Variants in LOC122526780 observed in about 807,000 individuals in gnomAD.
At chr17:6,638,606 C>G in the LOC122526780 span, 2 of 154,160 alleles carry the variant, frequency 1.3e-5, no homozygotes, top group African/African-American at 4.8e-5. Flanking sequence ...TCTGGCTCCC[C>G]CACAGCCTGC....
At chr17:6,639,570 G>C in the LOC122526780 span, 2 of 152,956 alleles carry the variant, frequency 1.3e-5, no homozygotes, top group African/African-American at 4.8e-5. The surrounding 1 kb of genome is among the most constrained non-coding windows in gnomAD (Gnocchi z 4.3). Context: ...AGAAGCCTAA[G>C]GCTCTCTCGT....
the LOC122526780 span, chr17:6,639,417 G>A: frequency 6.6e-6 from 1 of 152,246 alleles, no homozygotes; most frequent in Non-Finnish European, 1.5e-5. This position sits in a 1 kb window ranked among gnomAD's most constrained non-coding sequence, Gnocchi z 4.3. Context: ...AAGGGCCTGA[G>A]ACAAACCCAT....
the LOC122526780 span, chr17:6,639,940 T>A: frequency 6.6e-6 from 1 of 152,456 alleles, no homozygotes; most frequent in Non-Finnish European, 1.5e-5. This position sits in a 1 kb window ranked among gnomAD's most constrained non-coding sequence, Gnocchi z 4.3. Flanking sequence ...CCCCACCACC[T>A]CGGGCTCCCC....
the LOC122526780 span, chr17:6,638,254 TCCCGAGCCACGGGTCCC>T: frequency 6.6e-6 from 1 of 150,752 alleles, no homozygotes; most frequent in African/African-American, 2.5e-5. Context: ...CCACAGCTCC[TCCCGAGCCACGGGTCCC>T]CCCGAAGCCA....
At chr17:6,639,398 C>G in the LOC122526780 span, 2 of 152,352 alleles carry the variant, frequency 1.3e-5, no homozygotes, top group East Asian at 3.9e-4. This position sits in a 1 kb window ranked among gnomAD's most constrained non-coding sequence, Gnocchi z 4.3. Context: ...ATAGTCTGTT[C>G]TTTTTCACAA....
chr17:6,638,898 A>C, the LOC122526780 span: 2 of 152,596 alleles, frequency 1.3e-5, no homozygotes, highest in East Asian at 3.9e-4. Context: ...GGCCTGGGGC[A>C]CCCCCAGAAC....
chr17:6,638,176 T>A, the LOC122526780 span: 2 of 149,116 alleles, frequency 1.3e-5, no homozygotes, highest in African/African-American at 5.0e-5. Flanking sequence ...CACGGATTCC[T>A]CCCCGCCTGA....
chr17:6,639,005 G>A, the LOC122526780 span: 1 of 153,128 alleles, frequency 6.5e-6, no homozygotes, highest in Non-Finnish European at 1.5e-5. The surrounding 1 kb of genome is among the most constrained non-coding windows in gnomAD (Gnocchi z 4.3). Flanking sequence ...CACACAGGCT[G>A]TCCCCTTTCC....
At chr17:6,638,654 TCTC>T in the LOC122526780 span, 1 of 152,388 alleles carries the variant, frequency 6.6e-6, no homozygotes, top group East Asian at 2.0e-4. Flanking sequence ...CCACTACAGG[TCTC>T]CTCTCCAAGC....
At chr17:6,637,021 C>T in the LOC122526780 span, 1 of 152,402 alleles carries the variant, frequency 6.6e-6, no homozygotes, top group East Asian at 1.9e-4. Flanking sequence ...CCTTGGACAG[C>T]TCCATAACCT....
the LOC122526780 span, chr17:6,637,468 A>C: frequency 6.6e-6 from 1 of 152,516 alleles, no homozygotes; most frequent in South Asian, 2.1e-4. Context: ...TGGCCCTGGA[A>C]GCCCGGGAGC....
the LOC122526780 span, chr17:6,638,296 G>T: frequency 5.2e-5 from 8 of 152,816 alleles, no homozygotes; most frequent in African/African-American, 1.9e-4. Flanking sequence ...TATTCTGGCA[G>T]CCCGAGTCCT....
At chr17:6,637,000 T>TC in the LOC122526780 span, 1 of 152,204 alleles carries the variant, frequency 6.6e-6, no homozygotes, top group Non-Finnish European at 1.5e-5. Flanking sequence ...GGCTGTTTCT[T>TC]CCCCCAAAGA....
the LOC122526780 span, chr17:6,638,438 C>G: frequency 2.0e-5 from 3 of 152,942 alleles, no homozygotes; most frequent in Non-Finnish European, 2.9e-5. Flanking sequence ...ACCCCTGCTG[C>G]GGCACACCCC....
the LOC122526780 span, chr17:6,638,730 C>G: frequency 6.5e-6 from 1 of 153,576 alleles, no homozygotes; most frequent in Non-Finnish European, 1.4e-5. Context: ...GGCCCAGGCC[C>G]CCGCTGTGGC....
At chr17:6,636,936 T>G in the LOC122526780 span, 3 of 152,290 alleles carry the variant, frequency 2.0e-5, no homozygotes, top group African/African-American at 7.2e-5. Flanking sequence ...CCCTTGAAAC[T>G]GAGGGTACCC....
chr17:6,640,002 G>A, the LOC122526780 span: 1 of 152,764 alleles, frequency 6.5e-6, no homozygotes, highest in African/African-American at 2.4e-5. Context: ...CCTCGATGGA[G>A]CCTGGGGTCC....
the LOC122526780 span, chr17:6,638,628 C>G: frequency 6.5e-6 from 1 of 153,654 alleles, no homozygotes; most frequent in Non-Finnish European, 1.4e-5. Context: ...TCCTTTCCCA[C>G]GGGCTCAGAA....
chr17:6,637,624 GT>G, the LOC122526780 span: 1 of 152,728 alleles, frequency 6.5e-6, no homozygotes, highest in Non-Finnish European at 1.5e-5. Context: ...CACTCCTGTA[GT>G]CTGTCTGCCT....
Sources: allele counts gnomAD v4.1 joint callset, GRCh38; gene constraint gnomAD v4.1.1; non-coding constraint Gnocchi (gnomAD v3.1); transcripts MANE v1.5.